PA2G4: variants seen among roughly 807,000 people sequenced by gnomAD.
PA2G4 encodes proliferation-associated 2G4.
A neutral mutation model predicts 53.3 loss-of-function variants in PA2G4; 8 were observed. The ratio of observed to expected loss-of-function variants is 0.15; its 90% confidence interval spans 0.09 to 0.27. The LOEUF is 0.27. PA2G4 is among the 10% of genes least tolerant of loss of function. The probability of loss-of-function intolerance (pLI) is 1.00; values close to 1 mark genes in which losing one functional copy is unlikely to be tolerated. For synonymous variants in PA2G4, 143 were observed against 169.8 expected, an observed-to-expected ratio of 0.84 and a Z score of 1.23; for missense variants, 208 against 486.8, an observed-to-expected ratio of 0.43 and a Z score of 5.39.
Position 56,110,936 on chromosome 12 carries a change from T to C in PA2G4, c.843-28T>C, listed in dbSNP as rs768356122. On this transcript the variant is annotated intron_variant, in intron 9 of 12. Transcript: ENST00000303305. ...GTAAGACTTGATGGGGAGTTAAAGA[T>C]ACCTCTGAATATCATCTTCCCTGCC... 9 of 1,598,112 alleles carry C rather than the reference T, an allele frequency of 5.6e-6. No homozygotes were observed. In the Admixed American group the frequency reaches 6.7e-5, roughly 12 times the overall value.
Position 56,112,900 on chromosome 12 carries a change from T to A in PA2G4, c.*12T>A. 2 of 1,521,886 alleles carry A rather than the reference T, an allele frequency of 1.3e-6. No homozygotes were observed. The highest frequency in any genetic ancestry group is 1.8e-6 in the Non-Finnish European group (2 of 1,131,344). 94.3% of individuals were successfully genotyped at this position (1,521,886 alleles called of 1,614,324 possible). ...AAGCTGGGGACTGAGGTGGGTCCCA[T>A]CTCCCCAGCTTGCTGCTCCTGCCTC... On this transcript the variant is annotated 3_prime_UTR_variant, in exon 13 of 13. Transcript: ENST00000303305.
At chr12:56,106,561 G>T in intron 1 of PA2G4, 27 bp from the exon 2 acceptor site, 1 of 1,523,310 alleles carries the variant, frequency 6.6e-7, no homozygotes, top group Non-Finnish European at 8.7e-7. Flanking sequence ...TACATACAAG[G>T]CTGACATGAT....
At chr12:56,111,560 AG>A (rs762102827) in intron 12 of PA2G4, 31 bp downstream of exon 12, 2 of 1,590,476 alleles carry the variant, frequency 1.3e-6, no homozygotes, top group Non-Finnish European at 1.7e-6. Flanking sequence ...CCTCTCTGGC[AG>A]GGTGAACCTG....
chr12:56,106,871 AC>A (rs1869313411), intron 2 of PA2G4, 118 bp from the exon 3 acceptor site: 3 of 1,270,664 alleles, frequency 2.4e-6, no homozygotes, highest in Non-Finnish European at 3.3e-6. Flanking sequence ...GCAGTTTCCT[AC>A]CTAATCCAAA....
chr12:56,110,385 T>A lies in PA2G4; in HGVS notation c.630-14T>A. 6.6e-7 allele frequency: 1 copy of A among 1,514,842 alleles called. No homozygotes were observed. The highest frequency in any genetic ancestry group is 9.2e-7 in the Non-Finnish European group (1 of 1,090,016). The allele number at this position is 1,514,842 out of a possible 1,614,324, so 93.8% of individuals were successfully genotyped here. A position where few individuals can be genotyped will look rare whatever the true frequency, so the allele number is the denominator to read the frequency against. ...AAAAAAAAAAAAAAATTCCTTTCTC[T>A]CTATTCCTTTTAGGAAGGACCATGA... On this transcript the variant is annotated splice_polypyrimidine_tract_variant and intron_variant, in intron 7 of 12. Transcript: ENST00000303305.
rs1279456559 is a variant in PA2G4, at chr12:56,104,635, C to T, written c.-103C>T. 4.5e-6 allele frequency: 5 copies of T among 1,113,012 alleles called. No homozygotes were observed. The highest frequency in any genetic ancestry group is 2.3e-5 in the East Asian group (1 of 42,604). The allele number at this position is 1,113,012 out of a possible 1,614,324, so 68.9% of individuals were successfully genotyped here. ...TTGCTCGCGCTTTCGCTCGCCCTCT[C>T]CTCGAGGATCGAGGGGACTCTGACC... On this transcript the variant is annotated 5_prime_UTR_variant, in exon 1 of 13. Coordinates refer to ENST00000303305, the MANE Select transcript of PA2G4 (RefSeq NM_006191.3).
rs1490694209 is a variant in PA2G4, at chr12:56,109,844, G to A, written c.551-13G>A. 2 of 1,600,274 alleles carry A rather than the reference G, an allele frequency of 1.2e-6. No homozygotes were observed. Among genetic ancestry groups the A allele is most frequent in the East Asian group, 2.2e-5 (1 of 44,822 alleles). ...CTGGATAGCTTGTTCCATAGGTTGT[G>A]TACTATCTACAGGTATGCTGTCACA... On this transcript the variant is annotated splice_polypyrimidine_tract_variant and intron_variant, in intron 6 of 12. Coordinates refer to ENST00000303305, the MANE Select transcript of PA2G4 (RefSeq NM_006191.3).
chr12:56,110,290 G>T, intron 7 of PA2G4, 109 bp from the exon 8 acceptor site: 1 of 700,336 alleles, frequency 1.4e-6, no homozygotes, highest in Non-Finnish European at 2.5e-6. Context: ...GACCCGGGAG[G>T]TGGAGGTTGC....
intron 5 of PA2G4, among the ~76,000 whole-genome samples, chr12:56,108,596 G>GT: frequency 6.6e-6 from 1 of 152,332 alleles, no homozygotes; most frequent in African/African-American, 2.4e-5. Flanking sequence ...GTAGGATAAT[G>GT]TTTTTTAAGT....
At chr12:56,112,705 A>C (rs1869455361) in intron 12 of PA2G4, 118 bp from the exon 13 acceptor site, 1 of 715,344 alleles carries the variant, frequency 1.4e-6, no homozygotes, top group Non-Finnish European at 2.4e-6. Context: ...ACTGCACTCC[A>C]GCCTGGAAAA....
chr12:56,110,773 C>T, intron 9 of PA2G4, 81 bp downstream of exon 9: 1 of 1,551,144 alleles, frequency 6.4e-7, no homozygotes, highest in Admixed American at 1.7e-5. Context: ...TCCCTTCCTG[C>T]CTAGACTTGT....
At chr12:56,110,061 A>ATAT (rs1490149200) in intron 7 of PA2G4, 126 bp downstream of exon 7, 4 of 746,946 alleles carry the variant, frequency 5.4e-6, no homozygotes, top group Non-Finnish European at 9.5e-6. Context: ...GTTGCTCTTA[A>ATAT]TATTCCCTTT....
At chr12:56,109,464 A>T (rs1046982571) in intron 6 of PA2G4, among the ~76,000 whole-genome samples, 171 bp downstream of exon 6, 9 of 151,820 alleles carry the variant, frequency 5.9e-5, no homozygotes, top group Non-Finnish European at 2.9e-5. Context: ...TACTAAAAAT[A>T]TAAAAATTAG....
chr12:56,104,613 C>A lies in PA2G4; in HGVS notation c.-125C>A. Reference sequence around the variant, plus strand: ...GCCTGCCTGCCCGCTCCCTTGCTTGCTCGCGCTTTCGCTCGCCCTCTCCTC... The same window carrying A: ...GCCTGCCTGCCCGCTCCCTTGCTTGATCGCGCTTTCGCTCGCCCTCTCCTC... On this transcript the variant is annotated 5_prime_UTR_variant, in exon 1 of 13. Coordinates refer to ENST00000303305, the MANE Select transcript of PA2G4 (RefSeq NM_006191.3). The A allele has an allele frequency of 1.0e-6, 1 of 964,558 alleles. No individual in the cohort carries two copies. The highest frequency in any genetic ancestry group is 1.7e-6 in the Non-Finnish European group (1 of 587,458). 59.7% of individuals were successfully genotyped at this position (964,558 alleles called of 1,614,324 possible). A position where few individuals can be genotyped will look rare whatever the true frequency, so the allele number is the denominator to read the frequency against.
rs7976197 is a variant in PA2G4 at position 56,110,284 on chromosome 12, C to T, written c.630-115C>T. On this transcript the variant is annotated intron_variant, in intron 7 of 12. Transcript: ENST00000303305. ...CTGAGGCAGGAGAGTTGCTTGGACC[C>T]GGGAGGTGGAGGTTGCAGTGAGCTG... is the stretch of plus-strand genomic sequence containing the variant. 1.9e-4 allele frequency: 131 copies of T among 679,560 alleles called. No individual in the cohort carries two copies. In the African/African-American group the frequency reaches 2.1e-3, roughly 11 times the overall value. 42.1% of individuals were successfully genotyped at this position (679,560 alleles called of 1,614,324 possible).
chr12:56,104,682 A>C lies in PA2G4; in HGVS notation c.-56A>C. On this transcript the variant is annotated 5_prime_UTR_variant, in exon 1 of 13. Coordinates refer to ENST00000303305, the MANE Select transcript of PA2G4 (RefSeq NM_006191.3). ...GACCACAGCCTGTGGCTGGGAAGGG[A>C]GACAGAGGCGGCGGCGGCTCAGGGG... 6.8e-7 allele frequency: 1 copy of C among 1,469,202 alleles called. No individual in the cohort carries two copies. 91.0% of individuals were successfully genotyped at this position (1,469,202 alleles called of 1,614,324 possible). A position where few individuals can be genotyped will look rare whatever the true frequency, so the allele number is the denominator to read the frequency against.
At position 56,111,238 on chromosome 12, in the gene PA2G4, C is replaced by T. The variant is rs1253561691; in HGVS notation, c.994C>T (p.Arg332Trp). 1 of 1,613,992 alleles carries T rather than the reference C, an allele frequency of 6.2e-7. No homozygotes were observed. Among genetic ancestry groups the T allele is most frequent in the Non-Finnish European group, 8.5e-7 (1 of 1,179,926 alleles). The change falls in exon 11 of 13, where the codon CGG (arginine) becomes TGG (tryptophan). Residue 332 changes from arginine (R) to tryptophan (W), a missense_variant. Around this residue, in one of 3 missense-constraint regions of PA2G4, gnomAD observed 50 missense variants for 82.3 expected, o/e 0.61. Transcript: ENST00000303305. Reference sequence around the variant, plus strand: ...TCTGCTCATGCCCAATGGCCCCATGCGGATAACCAGTGGTCCCTTCGAGCC... The same window carrying T: ...TCTGCTCATGCCCAATGGCCCCATGTGGATAACCAGTGGTCCCTTCGAGCC... ...TVLLMPNGPM[R>W]ITSGPFEPDL...
At chr12:56,105,253 A>G (rs752738375) in intron 1 of PA2G4, among the ~76,000 whole-genome samples, 2 of 152,148 alleles carry the variant, frequency 1.3e-5, no homozygotes, top group Non-Finnish European at 2.9e-5. Flanking sequence ...GTCAGGAGCC[A>G]AGCCGGCACG....
rs1869412569 is a variant in PA2G4, at chr12:56,111,136, T to C, written c.938-46T>C. On this transcript the variant is annotated intron_variant, in intron 10 of 12. Transcript: ENST00000303305. ...CCTGTAAGTTCAGAAGAGCTAAGTA[T>C]GACAAAGGAACTTTTTATCAAAACA... The C allele has an allele frequency of 1.9e-6, 3 of 1,613,978 alleles. No homozygotes were observed. In the African/African-American group the frequency reaches 4.0e-5, roughly 22 times the overall value.
Sources: allele counts gnomAD v4.1 joint callset (sites outside exome capture counted in the v4.1 genomes callset), GRCh38; gene constraint gnomAD v4.1.1; regional missense constraint gnomAD v4.1.1; transcripts MANE v1.5; gene names NCBI Gene and HGNC (gene_info 2026-07-23, HGNC 2026-07-21).